The following GMDS variants were observed in gnomAD, a reference collection of about 807,000 sequenced individuals.
GMDS encodes the protein GDP-mannose 4,6 dehydratase.
GMDS carries 20 observed loss-of-function variants against 49.9 expected under a neutral mutation model. The ratio of observed to expected loss-of-function variants is 0.40; its 90% confidence interval spans 0.28 to 0.58. The LOEUF (loss-of-function observed/expected upper bound fraction) is 0.58. Among genes scored for constraint, GMDS ranks in the 20% least tolerant of loss-of-function variants. The pLI is 0.42. For missense variants in GMDS, 362 were observed against 481.4 expected, an observed-to-expected ratio of 0.75 and a Z score of 2.32; for synonymous variants, 177 against 178.6, an observed-to-expected ratio of 0.99 and a Z score of 0.07.
At chr6:2,048,462 C>T (rs956917653) in intron 4 of GMDS, among the ~76,000 whole-genome samples, 1 of 152,208 alleles carries the variant, frequency 6.6e-6, no homozygotes, top group Non-Finnish European at 1.5e-5. Flanking sequence ...TTACTAACCA[C>T]CTGAGCAGTT....
chr6:1,932,747 T>C (rs113347358), intron 6 of GMDS, among the ~76,000 whole-genome samples: 18,027 of 151,904 alleles, frequency 0.12, 1,087 homozygotes, highest in South Asian at 0.18. Flanking sequence ...ACCGTGTTAG[T>C]CAGGATGGTC....
intron 4 of GMDS, among the ~76,000 whole-genome samples, chr6:2,113,233 A>G (rs115626751): frequency 0.028 from 4,209 of 152,058 alleles, 205 homozygotes; most frequent in African/African-American, 0.096. Flanking sequence ...TTCTCTAGTG[A>G]CCACATCAGT....
intron 7 of GMDS, among the ~76,000 whole-genome samples, chr6:1,805,276 G>A (rs1770127422): frequency 6.6e-6 from 1 of 152,180 alleles, no homozygotes; most frequent in African/African-American, 2.4e-5. Flanking sequence ...ATGCACTACA[G>A]TATTACAAGA....
intron 4 of GMDS, among the ~76,000 whole-genome samples, chr6:2,084,315 C>T (rs1285614508): frequency 6.6e-6 from 1 of 152,030 alleles, no homozygotes; most frequent in African/African-American, 2.4e-5. Context: ...AACAAATGAA[C>T]AAGTGGCCAC....
At chr6:1,807,405 T>C (rs912169540) in intron 7 of GMDS, among the ~76,000 whole-genome samples, 1 of 152,214 alleles carries the variant, frequency 6.6e-6, no homozygotes, top group Admixed American at 6.5e-5. Flanking sequence ...GATTTACTGA[T>C]AGGGATCCCA....
At chr6:2,018,466 C>T (rs1204544649) in intron 4 of GMDS, among the ~76,000 whole-genome samples, 1 of 152,274 alleles carries the variant, frequency 6.6e-6, no homozygotes, top group Non-Finnish European at 1.5e-5. Flanking sequence ...CAAAAGAAAC[C>T]TTACACCCCT....
At chr6:1,637,093 G>A (rs1269195755) in intron 9 of GMDS, among the ~76,000 whole-genome samples, 1 of 152,268 alleles carries the variant, frequency 6.6e-6, no homozygotes, top group Non-Finnish European at 1.5e-5. Flanking sequence ...TGTGGCAGCA[G>A]AGTGGTAGGA....
intron 7 of GMDS, among the ~76,000 whole-genome samples, chr6:1,771,459 C>T (rs1418295076): frequency 6.6e-6 from 1 of 152,164 alleles, no homozygotes; most frequent in Non-Finnish European, 1.5e-5. Flanking sequence ...AAACAAAATG[C>T]ACAAGAAAAG....
At chr6:1,773,189 G>A (rs944307171) in intron 7 of GMDS, among the ~76,000 whole-genome samples, 5 of 130,450 alleles carry the variant, frequency 3.8e-5, no homozygotes, top group South Asian at 5.2e-4. Flanking sequence ...TGCACAGAGG[G>A]TCCTCTTTTT....
rs1291198211 is a variant in GMDS, at chr6:1,722,080, T to C, written c.987+4336A>G. Among the ~76,000 whole-genome samples, 9 of 144,028 alleles carry C rather than the reference T, an allele frequency of 6.2e-5. No homozygotes were observed. In the East Asian group the frequency reaches 1.8e-3, roughly 29 times the overall value. 94.5% of individuals were successfully genotyped at this position (144,028 alleles called of 152,430 possible). A position where few individuals can be genotyped will look rare whatever the true frequency, so the allele number is the denominator to read the frequency against. On this transcript the variant is annotated intron_variant, in intron 9 of 10. Transcript: ENST00000380815. ...ATCACGTCTTTTTTTTTTTTTTTTT[T>C]TTTTGAGATGGAATCTTGCTTTGAC...
chr6:1,791,271 G>A (rs113427494), intron 7 of GMDS, among the ~76,000 whole-genome samples: 2,121 of 152,264 alleles, frequency 0.014, 49 homozygotes, highest in African/African-American at 0.049. Flanking sequence ...AAACTACCTT[G>A]TACTGGGCGC....
chr6:2,097,449 C>T (rs1313153460), intron 4 of GMDS, among the ~76,000 whole-genome samples: 1 of 152,054 alleles, frequency 6.6e-6, no homozygotes, highest in African/African-American at 2.4e-5. Flanking sequence ...ACAGCTAAAA[C>T]GACGAGGGGT....
intron 7 of GMDS, among the ~76,000 whole-genome samples, chr6:1,787,409 G>A (rs1008560333): frequency 6.6e-6 from 1 of 152,154 alleles, no homozygotes; most frequent in Non-Finnish European, 1.5e-5. Flanking sequence ...CATGTGATAA[G>A]TCCATCTCAG....
chr6:1,986,052 G>A (rs1765525463), intron 4 of GMDS, among the ~76,000 whole-genome samples: 1 of 152,160 alleles, frequency 6.6e-6, no homozygotes, highest in African/African-American at 2.4e-5. Context: ...GGATGACCTA[G>A]AAAACTAGTG....
intron 7 of GMDS, among the ~76,000 whole-genome samples, chr6:1,837,097 A>C (rs1304918191): frequency 6.6e-6 from 1 of 152,252 alleles, no homozygotes; most frequent in Non-Finnish European, 1.5e-5. Flanking sequence ...GTAAGTCTTT[A>C]AAAATAAAAT....
At chr6:1,951,484 T>C (rs1056215911) in intron 6 of GMDS, among the ~76,000 whole-genome samples, 6 of 152,366 alleles carry the variant, frequency 3.9e-5, no homozygotes, top group African/African-American at 1.4e-4. Flanking sequence ...CATCCATTTG[T>C]GGCAATCTCA....
chr6:1,880,639 G>C (rs988067221), intron 7 of GMDS, among the ~76,000 whole-genome samples: 2 of 152,102 alleles, frequency 1.3e-5, no homozygotes, highest in Non-Finnish European at 2.9e-5. Flanking sequence ...ATTTCTGCCA[G>C]GGTAACCAGC....
intron 7 of GMDS, among the ~76,000 whole-genome samples, chr6:1,823,862 G>A (rs562960077): frequency 6.6e-6 from 1 of 152,024 alleles, no homozygotes; most frequent in Admixed American, 6.6e-5. Flanking sequence ...ATGGAAAGCT[G>A]TCCATGACTC....
intron 1 of GMDS, among the ~76,000 whole-genome samples, chr6:2,132,034 T>A (rs1175546598): frequency 6.6e-6 from 1 of 152,204 alleles, no homozygotes; most frequent in Admixed American, 6.5e-5. Context: ...GCATTCAGTA[T>A]CTTTTTAACT....
Sources: gnomAD v4.1 joint callset for allele counts (sites outside exome capture counted in the v4.1 genomes callset) on GRCh38, gnomAD v4.1.1 for gene constraint, MANE v1.5 for transcripts, NCBI Gene and HGNC (gene_info 2026-07-23, HGNC 2026-07-21) for gene names.